Variants in GNAL observed in about 807,000 individuals in gnomAD.
GNAL encodes guanine nucleotide-binding protein G(olf) subunit alpha.
A neutral mutation model predicts 55.1 loss-of-function variants in GNAL; 18 were observed. That is an observed-to-expected ratio of 0.33 (90% CI 0.23 to 0.48). GNAL has a LOEUF of 0.48. Ranked by LOEUF, GNAL falls within the 20% of genes least tolerant of loss-of-function variation. The pLI is 0.99. For synonymous variants in GNAL, 253 were observed against 237.0 expected, an observed-to-expected ratio of 1.07 and a Z score of -0.62; for missense variants, 412 against 614.1, an observed-to-expected ratio of 0.67 and a Z score of 3.48.
chr18:11,734,575 G>C (rs976519848), intron 1 of GNAL, among the ~76,000 whole-genome samples: 1 of 151,746 alleles, frequency 6.6e-6, no homozygotes, highest in Non-Finnish European at 1.5e-5. Flanking sequence ...ATTTCTGAGA[G>C]ATTAGCAATA....
Position 11,689,599 on chromosome 18 carries a change from C to CG in GNAL, c.41dup (p.Gly16ArgfsTer114). ...GCTACAGTCTGCGGCCGCTGCTTTTCGGGGGCCCAGGGGACGACCCCTGCG... is the reference window on the plus strand; with the variant it reads ...GCTACAGTCTGCGGCCGCTGCTTTTCGGGGGGCCCAGGGGACGACCCCTGCG... On this transcript the variant is annotated frameshift_variant, in exon 1 of 12. Transcript: ENST00000334049. LOFTEE classifies it high-confidence loss of function. 1.5e-6 allele frequency: 2 copies of CG among 1,334,972 alleles called. No individual in the cohort carries two copies. The highest frequency in any genetic ancestry group is 4.2e-5 in the Admixed American group (1 of 23,924). The allele number at this position is 1,334,972 out of a possible 1,614,324, so 82.7% of individuals were successfully genotyped here. A position where few individuals can be genotyped will look rare whatever the true frequency, so the allele number is the denominator to read the frequency against.
chr18:11,787,163 G>C (rs1455390053), intron 4 of GNAL, among the ~76,000 whole-genome samples: 1 of 152,130 alleles, frequency 6.6e-6, no homozygotes, highest in African/African-American at 2.4e-5. Flanking sequence ...AAAGTCAAGA[G>C]ATCATAGAAT....
intron 5 of GNAL, among the ~76,000 whole-genome samples, chr18:11,840,383 A>T (rs8090039): frequency 0.011 from 1,676 of 152,384 alleles, 40 homozygotes; most frequent in African/African-American, 0.039. Context: ...TCTAAGATAG[A>T]CAAGACTTAA....
intron 4 of GNAL, among the ~76,000 whole-genome samples, chr18:11,801,854 G>A (rs368606256): frequency 5.9e-5 from 9 of 152,052 alleles, no homozygotes; most frequent in Admixed American, 3.9e-4. Context: ...AGCAGGTCCC[G>A]GGGGTCAGGA....
chr18:11,869,187 A>C (rs1225059773), intron 9 of GNAL, among the ~76,000 whole-genome samples: 1 of 151,910 alleles, frequency 6.6e-6, no homozygotes, highest in Non-Finnish European at 1.5e-5. Flanking sequence ...TGTGTCACCC[A>C]GGCTGGAGTG....
intron 1 of GNAL, among the ~76,000 whole-genome samples, chr18:11,714,918 G>C (rs2031918389): frequency 1.3e-5 from 2 of 152,162 alleles, no homozygotes; most frequent in Non-Finnish European, 2.9e-5. Flanking sequence ...AAAGCAGGTG[G>C]ATCACTTGAA....
At chr18:11,807,546 A>G (rs1295412685) in intron 4 of GNAL, among the ~76,000 whole-genome samples, 3 of 152,246 alleles carry the variant, frequency 2.0e-5, no homozygotes, top group Admixed American at 2.0e-4. Context: ...CAGGTGGAGC[A>G]GGTTTGGGGA....
intron 4 of GNAL, among the ~76,000 whole-genome samples, chr18:11,789,239 C>T (rs539387462): frequency 6.6e-6 from 1 of 152,236 alleles, no homozygotes; most frequent in South Asian, 2.1e-4. Context: ...CCTTAGCTAG[C>T]CTCAGGCAAA....
At chr18:11,769,700 G>A (rs1272079973) in intron 4 of GNAL, among the ~76,000 whole-genome samples, 2 of 152,170 alleles carry the variant, frequency 1.3e-5, no homozygotes, top group African/African-American at 2.4e-5. Context: ...CATGAAGCAC[G>A]TAAGTTTATG....
chr18:11,875,049 C>A (rs911391633), intron 10 of GNAL, among the ~76,000 whole-genome samples: 1 of 152,150 alleles, frequency 6.6e-6, no homozygotes, highest in Non-Finnish European at 1.5e-5. Flanking sequence ...TGGACTCTTC[C>A]GGGGGAGAAT....
intron 7 of GNAL, among the ~76,000 whole-genome samples, chr18:11,865,842 A>G (rs1035350809): frequency 2.0e-5 from 3 of 148,042 alleles, no homozygotes; most frequent in Non-Finnish European, 4.4e-5. Context: ...CATATCTACT[A>G]TGCAGCCATT....
At chr18:11,834,040 A>T (rs1568048807) in intron 5 of GNAL, among the ~76,000 whole-genome samples, 2 of 152,228 alleles carry the variant, frequency 1.3e-5, no homozygotes, top group African/African-American at 4.8e-5. Context: ...GCAGAACCAA[A>T]TGCAATTTAT....
chr18:11,764,042 C>T (rs1002187777), intron 4 of GNAL, among the ~76,000 whole-genome samples: 2 of 152,160 alleles, frequency 1.3e-5, no homozygotes, highest in African/African-American at 2.4e-5. Context: ...GCCCTTTTTC[C>T]CTTGGTAATT....
At chr18:11,746,273 A>G (rs541969951) in intron 1 of GNAL, 4 of 388,412 alleles carry the variant, frequency 1.0e-5, no homozygotes, top group South Asian at 2.1e-5. Flanking sequence ...AGAGACAGAA[A>G]CTTTGAAGAG....
intron 4 of GNAL, among the ~76,000 whole-genome samples, chr18:11,757,224 A>T (rs1328498628): frequency 6.6e-6 from 1 of 152,190 alleles, no homozygotes; most frequent in Non-Finnish European, 1.5e-5. Context: ...AAGCAGGCAA[A>T]TGTGGTTAGT....
intron 5 of GNAL, among the ~76,000 whole-genome samples, chr18:11,855,183 G>A (rs1031812615): frequency 2.6e-4 from 40 of 152,172 alleles, no homozygotes; most frequent in Admixed American, 2.0e-3. Context: ...CAAGTGATCC[G>A]CCTGCCTCGG....
chr18:11,881,156 G>A lies in GNAL; in HGVS notation c.*21G>A, dbSNP rs897697784. ...TGTGAGGATGCTGCCGCCACCCTGC[G>A]ACGGAGCGGCGCCCCGGACTGCCTG... is the stretch of plus-strand genomic sequence containing the variant. On this transcript the variant is annotated 3_prime_UTR_variant, in exon 12 of 12. Coordinates refer to ENST00000334049, the MANE Select transcript of GNAL (RefSeq NM_182978.4). The surrounding 1 kb of genome is among the most constrained non-coding windows in gnomAD (Gnocchi z 4.8). 20 of 1,590,082 alleles carry A rather than the reference G, an allele frequency of 1.3e-5. No individual in the cohort carries two copies. The highest frequency in any genetic ancestry group is 6.7e-5 in the African/African-American group (5 of 74,418).
chr18:11,823,319 C>T (rs1417853910), intron 4 of GNAL, among the ~76,000 whole-genome samples: 6 of 152,162 alleles, frequency 3.9e-5, no homozygotes, highest in Admixed American at 3.9e-4. Context: ...TTTAGCCACC[C>T]CCTTCAGGGG....
At chr18:11,717,978 TAAACA>T (rs1169887418) in intron 1 of GNAL, among the ~76,000 whole-genome samples, 1 of 152,216 alleles carries the variant, frequency 6.6e-6, no homozygotes, top group African/African-American at 2.4e-5. Context: ...GCAAACATGC[TAAACA>T]AGTCTACTAG....
Sources: gnomAD v4.1 joint callset for allele counts (sites outside exome capture counted in the v4.1 genomes callset) on GRCh38, gnomAD v4.1.1 for gene constraint, Gnocchi (gnomAD v3.1) non-coding constraint, MANE v1.5 for transcripts, NCBI Gene and HGNC (gene_info 2026-07-23, HGNC 2026-07-21) for gene names.